The following PSG11 variants were observed in gnomAD, a reference collection of about 807,000 sequenced individuals.
PSG11 encodes pregnancy-specific beta-1-glycoprotein 11.
Under a neutral mutation model 36.0 loss-of-function variants are expected in PSG11, and 42 were observed. The observed-to-expected ratio is 1.17, with a 90% confidence interval of 0.91 to 1.51. The LOEUF (loss-of-function observed/expected upper bound fraction) is 1.51. PSG11 is among the 40% of genes most tolerant of loss of function. The pLI is 0.00. For missense variants in PSG11, 558 were observed against 403.5 expected (o/e 1.38, Z -3.28); for synonymous variants, 206 against 153.5 (o/e 1.34, Z -2.53).
At position 43,015,343 on chromosome 19, in the gene PSG11, G is replaced by A. The variant is rs1966934275; in HGVS notation, c.737C>T (p.Pro246Leu). Residue 246 changes from proline to leucine, a missense_variant, in exon 4 of 6, where the codon CCT becomes CTT. By Grantham distance (98) the Pro-to-Leu change is moderately conservative. Coordinates refer to ENST00000320078, the MANE Select transcript of PSG11 (RefSeq NM_002785.3). ...TCCTGAATAGTAAGAGGTGACTGAA[G>A]GGAAAATTCTGGGGAGGTCTGGACC... ...LHGPDLPRIFPSVTSYYSGEN... is the reference protein window; with the variant it reads ...LHGPDLPRIFLSVTSYYSGEN... 6.2e-7 allele frequency: 1 copy of A among 1,610,762 alleles called. No individual in the cohort carries two copies. Among genetic ancestry groups the A allele is most frequent in the Non-Finnish European group, 8.5e-7 (1 of 1,177,982 alleles).
At chr19:43,018,519 G>A (rs1967021207) in intron 3 of PSG11, 2 of 876,226 alleles carry the variant, frequency 2.3e-6, no homozygotes, top group Admixed American at 5.8e-5. Context: ...TGGAGCCTGA[G>A]ACATTCACCT....
In PSG11 at chr19:43,024,728, A is replaced by G. The variant is rs1328046599; in HGVS notation, c.393T>C (p.Thr131=). The change falls in exon 2 of 6, where the codon ACT becomes ACC. Residue 131 remains threonine (T), a synonymous_variant. Coordinates refer to ENST00000320078, the MANE Select transcript of PSG11 (RefSeq NM_002785.3). ...AGGTGAAATATCCAGTTACTCCTCT[A>G]GTCCCATCACCTCGCTTTATGATGT... ...TLHIIKRGDG[T]RGVTGYFTFT... 2 of 1,611,568 alleles carry G rather than the reference A, an allele frequency of 1.2e-6. No homozygotes were observed. The highest frequency in any genetic ancestry group is 1.7e-6 in the Non-Finnish European group (2 of 1,178,856).
rs1421243523 is a variant in PSG11, at chr19:43,010,023, G to T, written c.983C>A (p.Thr328Asn). Residue 328 changes from threonine to asparagine, a missense_variant, in exon 5 of 6, where the codon ACT becomes AAT. Thr to Asn is a moderately conservative substitution (Grantham distance 65). Transcript: ENST00000320078. ...IRVIAPPGLG[T>N]FAFNNPT ...CTACGTTGGATTATTGAAAGCAAAA[G>T]TTCCTAATCCTGGAGGAGCTGTCAT... 3 of 1,609,880 alleles carry T rather than the reference G, an allele frequency of 1.9e-6. No individual in the cohort carries two copies. Among genetic ancestry groups the T allele is most frequent in the African/African-American group, 1.3e-5 (1 of 74,426 alleles).
chr19:43,014,837 GTCCC>G lies in PSG11; in HGVS notation c.964+275_964+278del, dbSNP rs1482216174. The G allele has an allele frequency of 2.0e-5, 26 of 1,316,238 alleles. 1 individual carries two copies. The highest frequency in any genetic ancestry group is 2.5e-5 in the Non-Finnish European group (25 of 992,984). The allele number at this position is 1,316,238 out of a possible 1,614,324, so 81.5% of individuals were successfully genotyped here. On this transcript the variant is annotated intron_variant, in intron 4 of 5. Transcript: ENST00000320078. ...CTCGATGTTCAGCACTCTCCTTCTT[GTCCC>G]TCTGTGAAGCCTCTTCTACCACATA...
At chr19:43,021,047 A>T (rs1967089672) in intron 2 of PSG11, among the ~76,000 whole-genome samples, 1 of 151,412 alleles carries the variant, frequency 6.6e-6, no homozygotes, top group Non-Finnish European at 1.5e-5. Context: ...TGGCACAGGC[A>T]GTAAAACCAT....
At chr19:43,021,936 C>G (rs1568491749) in intron 2 of PSG11, among the ~76,000 whole-genome samples, 1 of 151,454 alleles carries the variant, frequency 6.6e-6, no homozygotes, top group African/African-American at 2.4e-5. Context: ...ATGGCTGACT[C>G]CATCTGGCAT....
At chr19:43,023,010 G>A (rs1967139836) in intron 2 of PSG11, among the ~76,000 whole-genome samples, 1 of 150,852 alleles carries the variant, frequency 6.6e-6, no homozygotes, top group African/African-American at 2.5e-5. Context: ...GAAGCAGAGA[G>A]AGGCAGAGAC....
At chr19:43,010,389 G>C (rs879155349) in intron 4 of PSG11, 1 of 1,557,616 alleles carries the variant, frequency 6.4e-7, no homozygotes, top group South Asian at 1.2e-5. Flanking sequence ...TGTTGTGGCA[G>C]TCATGAATGA....
Position 43,026,453 on chromosome 19 carries a change from C to A in PSG11, c.-81G>T. On this transcript the variant is annotated 5_prime_UTR_variant, in exon 1 of 6. Coordinates refer to ENST00000320078, the MANE Select transcript of PSG11 (RefSeq NM_002785.3). ...TTCCAGAGCACGGCTGTCAGCTGTG[C>A]TGTCCTTCCTCCTTCTGCGCTGAGA... 9 of 1,552,044 alleles carry A rather than the reference C, an allele frequency of 5.8e-6. No individual in the cohort carries two copies. The Middle Eastern group carries it at 6.8e-4, about 117-fold the overall frequency.
In PSG11 at chr19:43,026,408, T is replaced by C; in HGVS notation, c.-36A>G. 6.2e-7 allele frequency: 1 copy of C among 1,604,978 alleles called. No individual in the cohort carries two copies. Among genetic ancestry groups the C allele is most frequent in the Non-Finnish European group, 8.5e-7 (1 of 1,174,766 alleles). The stretch of plus-strand genomic sequence containing the variant: ...GCGTGCATGTTCTCCTCTGTGGAGA[T>C]GAGCCTAGGATCCAGAAGCTTCCAG... On this transcript the variant is annotated 5_prime_UTR_variant, in exon 1 of 6. Transcript: ENST00000320078.
At chr19:43,013,108 A>G (rs553015865) in intron 4 of PSG11, among the ~76,000 whole-genome samples, 3 of 151,480 alleles carry the variant, frequency 2.0e-5, no homozygotes, top group East Asian at 3.9e-4. Flanking sequence ...ACCTAACACC[A>G]TGTACAAAAA....
chr19:43,014,521 A>C (rs533594256), intron 4 of PSG11: 2 of 980,324 alleles, frequency 2.0e-6, no homozygotes, highest in South Asian at 9.4e-5. Flanking sequence ...CTTGGCTTGA[A>C]CTGGCAGCTC....
At chr19:43,014,786 G>T in intron 4 of PSG11, 1 of 1,216,896 alleles carries the variant, frequency 8.2e-7, no homozygotes, top group Non-Finnish European at 1.1e-6. Flanking sequence ...GACAGAAGGG[G>T]ATGAGTTGGT....
rs139355393 is a variant in PSG11 at position 43,015,172 on chromosome 19, G to A, written c.908C>T (p.Ala303Val). 5.4e-4 allele frequency: 876 copies of A among 1,611,770 alleles called. 23 individuals are homozygous for A. The highest frequency in any genetic ancestry group is 6.9e-4 in the Non-Finnish European group (808 of 1,178,700). ...TTCCTCGCCAGTGGCTGAGTTACGA[G>A]CAGAGCAAGCATAGAGCCCATTATG... ...PKHNGLYACS[A>V]RNSATGEESS... The change falls in exon 4 of 6, where the codon GCT becomes GTT. Residue 303 changes from alanine (A) to valine (V), a missense_variant. Physicochemically the swap from Ala to Val is moderately conservative, Grantham distance 64. Coordinates refer to ENST00000320078, the MANE Select transcript of PSG11 (RefSeq NM_002785.3).
At chr19:43,026,118 C>T (rs1196165426) in intron 1 of PSG11, among the ~76,000 whole-genome samples, 191 bp downstream of exon 1, 6 of 149,782 alleles carry the variant, frequency 4.0e-5, no homozygotes, top group Middle Eastern at 3.4e-3. Flanking sequence ...ATTTTTTGTA[C>T]TTTTAGAAGA....
At chr19:43,017,033 C>T (rs1177468698) in intron 3 of PSG11, among the ~76,000 whole-genome samples, 2 of 151,296 alleles carry the variant, frequency 1.3e-5, no homozygotes, top group Admixed American at 1.3e-4. Flanking sequence ...CTCTAGGGAC[C>T]TCATGTAAAT....
intron 3 of PSG11, chr19:43,015,661 CAA>C: frequency 6.5e-7 from 1 of 1,539,080 alleles, no homozygotes. Context: ...CTCGGATGTC[CAA>C]AAGTAAAGGT....
chr19:43,015,291 T>C lies in PSG11; in HGVS notation c.789A>G (p.Ala263=), dbSNP rs751731627. 1 of 1,610,720 alleles carries C rather than the reference T, an allele frequency of 6.2e-7. No individual in the cohort carries two copies. The highest frequency in any genetic ancestry group is 8.5e-7 in the Non-Finnish European group (1 of 1,177,786). The change falls in exon 4 of 6, where the codon GCA becomes GCG. Residue 263 remains alanine, a synonymous_variant. Coordinates refer to ENST00000320078, the MANE Select transcript of PSG11 (RefSeq NM_002785.3). ...SGENLDLSCF[A]NSNPPAQYSW... ...AATACTGTGCTGGTGGGTTAGAGTT[T>C]GCGAAGCAGGACAAGTCGAGGTTCT...
chr19:43,014,214 T>A, intron 4 of PSG11: 1 of 522,504 alleles, frequency 1.9e-6, no homozygotes, highest in Non-Finnish European at 2.4e-6. Flanking sequence ...AACACTAAAT[T>A]GCACACTTAG....
Sources: gnomAD v4.1 joint callset for allele counts (sites outside exome capture counted in the v4.1 genomes callset) on GRCh38, gnomAD v4.1.1 for gene constraint, MANE v1.5 for transcripts, NCBI Gene and HGNC (gene_info 2026-07-23, HGNC 2026-07-21) for gene names.